The following UBA6 variants were observed in gnomAD, a reference collection of about 807,000 sequenced individuals.
The protein encoded by UBA6 is ubiquitin like modifier activating enzyme 6.
Under a neutral mutation model 148.3 loss-of-function variants are expected in UBA6, and 87 were observed. The ratio of observed to expected loss-of-function variants is 0.59; its 90% CI spans 0.49 to 0.70. The LOEUF is 0.70. UBA6 is among the 30% of genes least tolerant of loss of function. The pLI is 0.00. For missense variants in UBA6, 1,186 were observed against 1,241.2 expected, an observed-to-expected ratio of 0.96 and a Z score of 0.67; for synonymous variants, 376 against 401.0, an observed-to-expected ratio of 0.94 and a Z score of 0.75.
chr4:67,680,137 TAC>T (rs1468891656), intron 4 of UBA6, among the ~76,000 whole-genome samples: 1 of 152,210 alleles, frequency 6.6e-6, no homozygotes, highest in African/African-American at 2.4e-5. Flanking sequence ...TTTGTAAATG[TAC>T]AATCCATACT....
chr4:67,636,924 C>T (rs1729162823), intron 19 of UBA6, among the ~76,000 whole-genome samples: 1 of 151,080 alleles, frequency 6.6e-6, no homozygotes, highest in Non-Finnish European at 1.5e-5. Context: ...TCTTCCCGGC[C>T]GCCATCCCGT....
At chr4:67,671,906 A>G (rs568087749) in intron 7 of UBA6, among the ~76,000 whole-genome samples, 45 of 152,268 alleles carry the variant, frequency 3.0e-4, no homozygotes, top group African/African-American at 1.1e-3. Context: ...TTAAAAATCT[A>G]TGAGTAATTC....
At chr4:67,662,104 T>A in intron 13 of UBA6, 85 bp downstream of exon 13, 1 of 1,303,568 alleles carries the variant, frequency 7.7e-7, no homozygotes. Context: ...CAAAGCTGGA[T>A]GTGAAGGATA....
chr4:67,622,558 C>T (rs923276050), intron 32 of UBA6, among the ~76,000 whole-genome samples: 8 of 152,128 alleles, frequency 5.3e-5, no homozygotes, highest in African/African-American at 1.7e-4. Flanking sequence ...ACTCATAAGC[C>T]TGGTCATTAA....
chr4:67,653,747 G>A (rs949070561), intron 13 of UBA6, among the ~76,000 whole-genome samples: 1 of 152,268 alleles, frequency 6.6e-6, no homozygotes. Context: ...CCGAGCTAAA[G>A]GAGCATGTTC....
At chr4:67,689,309 C>T (rs556969342) in intron 2 of UBA6, among the ~76,000 whole-genome samples, 2 of 152,112 alleles carry the variant, frequency 1.3e-5, no homozygotes, top group East Asian at 3.9e-4. Context: ...GGACATAACT[C>T]CATTTTAAAT....
chr4:67,685,587 G>A (rs770149074), intron 2 of UBA6, among the ~76,000 whole-genome samples: 5 of 152,154 alleles, frequency 3.3e-5, no homozygotes, highest in Admixed American at 2.0e-4. Context: ...GCTACACTTT[G>A]AATGTGTTTC....
rs1729414008 is a variant in UBA6 at position 67,646,004 on chromosome 4, ATATC to A, written c.1325_1328del (p.Arg442MetfsTer4). ...CTCCAATGCAAGCTCTTAAGGCATC[ATATC>A]TATCTCCTCTGAAAAAAATAACATA... On this transcript the variant is annotated frameshift_variant, in exon 16 of 33. Transcript: ENST00000322244. LOFTEE classifies it high-confidence loss of function. 3.2e-6 allele frequency: 5 copies of A among 1,570,696 alleles called. No homozygotes were observed. The highest frequency in any genetic ancestry group is 1.8e-5 in the Admixed American group (1 of 55,280).
At chr4:67,670,744 T>C (rs988838545) in intron 7 of UBA6, 152 bp from the exon 8 acceptor site, 2 of 590,302 alleles carry the variant, frequency 3.4e-6, no homozygotes, top group Non-Finnish European at 5.8e-6. Flanking sequence ...GATAAACTGA[T>C]GCAGAATAGT....
intron 4 of UBA6, among the ~76,000 whole-genome samples, chr4:67,680,307 A>G (rs13118157): frequency 0.23 from 35,604 of 152,118 alleles, 4,337 homozygotes; most frequent in Middle Eastern, 0.32. Flanking sequence ...AAAAAGAGAG[A>G]CAACAGAATA....
chr4:67,683,279 T>G (rs1158288383), intron 2 of UBA6, among the ~76,000 whole-genome samples: 1 of 152,240 alleles, frequency 6.6e-6, no homozygotes, highest in African/African-American at 2.4e-5. Context: ...TTTTACCTGA[T>G]TTTAGACTTT....
intron 6 of UBA6, among the ~76,000 whole-genome samples, chr4:67,677,346 A>T (rs942709957): frequency 3.9e-5 from 6 of 152,234 alleles, no homozygotes; most frequent in African/African-American, 1.4e-4. Flanking sequence ...AAATAAATGC[A>T]TGTTGCTATA....
At chr4:67,643,939 CA>C (rs1405081347) in intron 17 of UBA6, among the ~76,000 whole-genome samples, 1 of 151,970 alleles carries the variant, frequency 6.6e-6, no homozygotes. Flanking sequence ...GTTTGTGAAG[CA>C]GTATTTAGGA....
chr4:67,672,370 C>A (rs901478110), intron 7 of UBA6, among the ~76,000 whole-genome samples: 3 of 152,198 alleles, frequency 2.0e-5, no homozygotes, highest in Non-Finnish European at 2.9e-5. Flanking sequence ...CTAAGATAAT[C>A]AGAATGAAAA....
intron 6 of UBA6, among the ~76,000 whole-genome samples, chr4:67,674,279 C>T (rs981829769): frequency 3.9e-5 from 6 of 152,150 alleles, no homozygotes; most frequent in Non-Finnish European, 7.4e-5. Flanking sequence ...CCATGGGCCT[C>T]TCAGTCTATA....
intron 18 of UBA6, among the ~76,000 whole-genome samples, chr4:67,640,257 G>A (rs758620949): frequency 1.3e-5 from 2 of 152,130 alleles, no homozygotes; most frequent in African/African-American, 2.4e-5. Flanking sequence ...TCTTCTCTAA[G>A]TAAAATGCAC....
chr4:67,618,739 C>A lies in UBA6; in HGVS notation c.*258G>T. ...AGAGAGATTAATACACAGATTAATA[C>A]ACAAAACTTTTGTAAATAGCATTCC... On this transcript the variant is annotated 3_prime_UTR_variant, in exon 33 of 33. Coordinates refer to ENST00000322244, the MANE Select transcript of UBA6 (RefSeq NM_018227.6). The A allele has an allele frequency of 3.0e-6, 1 of 333,620 alleles. No homozygotes were observed. The highest frequency in any genetic ancestry group is 5.4e-6 in the Non-Finnish European group (1 of 185,098). The allele number at this position is 333,620 out of a possible 1,614,324, so 20.7% of individuals were successfully genotyped here. A position where few individuals can be genotyped will look rare whatever the true frequency, so the allele number is the denominator to read the frequency against.
intron 8 of UBA6, among the ~76,000 whole-genome samples, chr4:67,669,645 A>T (rs974211104): frequency 6.6e-6 from 1 of 152,172 alleles, no homozygotes; most frequent in African/African-American, 2.4e-5. Flanking sequence ...TGCATGATCA[A>T]GAGTGCGGTT....
At chr4:67,639,560 A>G (rs1373174701) in intron 18 of UBA6, among the ~76,000 whole-genome samples, 1 of 152,180 alleles carries the variant, frequency 6.6e-6, no homozygotes, top group East Asian at 1.9e-4. Flanking sequence ...TGGTACTAAC[A>G]TATTTTAAAA....
Sources: gnomAD v4.1 joint callset for allele counts (sites outside exome capture counted in the v4.1 genomes callset) on GRCh38, gnomAD v4.1.1 for gene constraint, MANE v1.5 for transcripts, NCBI Gene and HGNC (gene_info 2026-07-23, HGNC 2026-07-21) for gene names.